Variants in ZSWIM5 observed in about 807,000 individuals in gnomAD.
ZSWIM5 encodes zinc finger SWIM domain-containing protein 5.
In ZSWIM5, 55 loss-of-function variants were observed where a neutral mutation model predicts 119.6. The observed-to-expected ratio is 0.46, with a 90% CI of 0.37 to 0.58. The LOEUF (loss-of-function observed/expected upper bound fraction) is 0.58, where lower values mean the gene tolerates loss of function less well. ZSWIM5 is among the 20% of genes least tolerant of loss of function. The pLI is 0.00. For synonymous variants in ZSWIM5, 537 were observed against 606.9 expected, an observed-to-expected ratio of 0.88 and a Z score of 1.69; for missense variants, 1,193 against 1,512.8, an observed-to-expected ratio of 0.79 and a Z score of 3.51.
In ZSWIM5 at chr1:45,205,883, G is replaced by T. The variant is rs929579934; in HGVS notation, c.468C>A (p.Val156=). ...AAPAGSAPGG[V]AAGASPGLGA... ...CCAGCCCGGGGGATGCCCCAGCCGC[G>T]ACGCCCCCGGGGGCGGAGCCGGCCG... Residue 156 remains valine (V), a synonymous_variant, in exon 1 of 14, where the codon GTC becomes GTA. Transcript: ENST00000359600. 4.4e-6 allele frequency: 5 copies of T among 1,132,762 alleles called. No homozygotes were observed. In the African/African-American group the frequency reaches 6.7e-5, roughly 15 times the overall value. 70.2% of individuals were successfully genotyped at this position (1,132,762 alleles called of 1,614,324 possible).
chr1:45,177,786 T>C lies in ZSWIM5; in HGVS notation c.595+27970A>G, dbSNP rs573715593. Among the ~76,000 whole-genome samples, 41 of 152,126 alleles carry C rather than the reference T, an allele frequency of 2.7e-4. 2 individuals carry two copies. The South Asian group carries it at 7.7e-3, about 28-fold the overall frequency. On this transcript the variant is annotated intron_variant, in intron 1 of 13. Transcript: ENST00000359600. ...TAGCACATTAAAAAGCATTTCCCAG[T>C]CTAATGCAAGCAGAAAAATCCCTTA...
chr1:45,035,663 A>G lies in ZSWIM5; in HGVS notation c.2291+25T>C, dbSNP rs377635919. 12 of 1,610,088 alleles carry G rather than the reference A, an allele frequency of 7.5e-6. No individual in the cohort carries two copies. In the African/African-American group the frequency reaches 1.3e-4, roughly 18 times the overall value. ...GGACACTTCTGCTTTGGTGGAGGCAATTGGACTGGGAAAGGGCTACCCACC... is the reference window on the plus strand; with the variant it reads ...GGACACTTCTGCTTTGGTGGAGGCAGTTGGACTGGGAAAGGGCTACCCACC... On this transcript the variant is annotated intron_variant, in intron 10 of 13. Transcript: ENST00000359600.
intron 1 of ZSWIM5, among the ~76,000 whole-genome samples, chr1:45,147,093 T>A (rs919489169): frequency 2.6e-5 from 4 of 151,250 alleles, no homozygotes; most frequent in Admixed American, 1.3e-4. Context: ...TTTTTTTTTT[T>A]AAACAGGGTC....
At chr1:45,121,930 CTCTG>C (rs1052675675) in intron 1 of ZSWIM5, among the ~76,000 whole-genome samples, 1 of 152,146 alleles carries the variant, frequency 6.6e-6, no homozygotes, top group Non-Finnish European at 1.5e-5. Context: ...CCTTGTCTTT[CTCTG>C]TCTATCCAAA....
intron 2 of ZSWIM5, among the ~76,000 whole-genome samples, chr1:45,082,190 G>C (rs886681102): frequency 7.9e-5 from 12 of 151,576 alleles, no homozygotes; most frequent in African/African-American, 2.2e-4. Flanking sequence ...CAAACGCTGC[G>C]GAAGGCCGCA....
intron 1 of ZSWIM5, among the ~76,000 whole-genome samples, chr1:45,094,117 G>A (rs142764466): frequency 4.0e-5 from 6 of 151,258 alleles, no homozygotes; most frequent in Admixed American, 6.6e-5. Flanking sequence ...GTGCAGTGGC[G>A]CAATTTTGGC....
At chr1:45,143,744 C>T (rs867812020) in intron 1 of ZSWIM5, among the ~76,000 whole-genome samples, 4 of 151,808 alleles carry the variant, frequency 2.6e-5, no homozygotes, top group Admixed American at 6.6e-5. Flanking sequence ...TCAAAGATAA[C>T]ATGATTGTCT....
intron 1 of ZSWIM5, among the ~76,000 whole-genome samples, chr1:45,134,848 G>A (rs1200096167): frequency 6.6e-6 from 1 of 152,166 alleles, no homozygotes. Flanking sequence ...GTCAATTAGT[G>A]GCTGGCTATT....
intron 1 of ZSWIM5, among the ~76,000 whole-genome samples, chr1:45,200,991 T>C (rs978255477): frequency 1.3e-5 from 2 of 152,108 alleles, no homozygotes; most frequent in Admixed American, 6.6e-5. Context: ...GTGTATGTGA[T>C]TGAGATGAGG....
chr1:45,166,511 A>G (rs1645904695), intron 1 of ZSWIM5, among the ~76,000 whole-genome samples: 1 of 152,120 alleles, frequency 6.6e-6, no homozygotes, highest in African/African-American at 2.4e-5. Flanking sequence ...CTCAATTAGG[A>G]AAAGAGGAAG....
chr1:45,164,440 A>T (rs892712136), intron 1 of ZSWIM5, among the ~76,000 whole-genome samples: 13 of 152,152 alleles, frequency 8.5e-5, no homozygotes, highest in Admixed American at 6.6e-5. Context: ...AGCTAACATC[A>T]TAATGACAGG....
chr1:45,018,585 T>C lies in ZSWIM5; in HGVS notation c.3427A>G (p.Ser1143Gly), dbSNP rs760273466. ...AGCAGGAAGGTCTCCCGAGCCTTGCTTAGAAACTCAATGAACTCTCCATAG... is the reference window on the plus strand; with the variant it reads ...AGCAGGAAGGTCTCCCGAGCCTTGCCTAGAAACTCAATGAACTCTCCATAG... ...RHYGEFIEFL[S>G]KARETFLLPQ... Residue 1143 changes from serine (S) to glycine (G), a missense_variant, in exon 14 of 14, where the codon AGC becomes GGC. This residue lies in a region of ZSWIM5 where 961 missense variants were observed against 1,290.0 expected (regional missense o/e 0.74). Coordinates refer to ENST00000359600, the MANE Select transcript of ZSWIM5 (RefSeq NM_020883.2). This position sits in a 1 kb window ranked among gnomAD's most constrained non-coding sequence, Gnocchi z 6.7. 2.0e-4 allele frequency: 323 copies of C among 1,614,106 alleles called. No individual in the cohort carries two copies. The highest frequency in any genetic ancestry group is 2.6e-4 in the Non-Finnish European group (308 of 1,180,040).
chr1:45,108,590 T>C (rs1311198740), intron 1 of ZSWIM5, among the ~76,000 whole-genome samples: 1 of 152,052 alleles, frequency 6.6e-6, no homozygotes. Flanking sequence ...TTCTGTGCAC[T>C]GAATCAAGTC....
chr1:45,073,373 C>T (rs972321686), intron 2 of ZSWIM5, among the ~76,000 whole-genome samples: 6 of 149,538 alleles, frequency 4.0e-5, no homozygotes, highest in Non-Finnish European at 8.9e-5. Context: ...ATTCTCCTGC[C>T]TCAGCTTCCC....
chr1:45,155,166 G>A (rs346723), intron 1 of ZSWIM5, among the ~76,000 whole-genome samples: 50,368 of 151,742 alleles, frequency 0.33, 9,603 homozygotes, highest in African/African-American at 0.53. Context: ...CAGAGTCTAC[G>A]AGGAACTCAA....
intron 11 of ZSWIM5, among the ~76,000 whole-genome samples, chr1:45,023,507 T>G (rs979552242): frequency 6.6e-6 from 1 of 151,548 alleles, no homozygotes; most frequent in African/African-American, 2.4e-5. Context: ...CATGTCTCTT[T>G]TTTTTTTTTG....
At chr1:45,096,616 G>A (rs75170908) in intron 1 of ZSWIM5, among the ~76,000 whole-genome samples, 3,133 of 151,876 alleles carry the variant, frequency 0.021, 116 homozygotes, top group African/African-American at 0.072. Context: ...CCTGCATAAA[G>A]CACCAAACAT....
chr1:45,188,881 G>T (rs997037537), intron 1 of ZSWIM5, among the ~76,000 whole-genome samples: 10 of 152,116 alleles, frequency 6.6e-5, no homozygotes, highest in African/African-American at 2.4e-4. Flanking sequence ...AATCTCCAAG[G>T]GAATAGATAA....
At chr1:45,118,275 C>T (rs898535328) in intron 1 of ZSWIM5, among the ~76,000 whole-genome samples, 1 of 152,112 alleles carries the variant, frequency 6.6e-6, no homozygotes, top group African/African-American at 2.4e-5. Flanking sequence ...TTATTTTTCT[C>T]CTCAAAAACA....
Sources: gnomAD v4.1 joint callset for allele counts (sites outside exome capture counted in the v4.1 genomes callset) on GRCh38, gnomAD v4.1.1 for gene constraint, gnomAD v4.1.1 regional missense constraint, Gnocchi (gnomAD v3.1) non-coding constraint, MANE v1.5 for transcripts, NCBI Gene and HGNC (gene_info 2026-07-23, HGNC 2026-07-21) for gene names.